Variants in EVL observed in about 807,000 individuals in gnomAD.
The protein encoded by EVL is ena/VASP-like protein.
In EVL, 21 loss-of-function variants were observed where a neutral mutation model predicts 59.6. The ratio of observed to expected loss-of-function variants is 0.35; its 90% CI spans 0.25 to 0.51. EVL has a LOEUF of 0.51. EVL is among the 20% of genes least tolerant of loss of function. EVL has a pLI of 0.97. For missense variants in EVL, 462 were observed against 546.6 expected, an observed-to-expected ratio of 0.85 and a Z score of 1.54; for synonymous variants, 198 against 203.5, an observed-to-expected ratio of 0.97 and a Z score of 0.23.
intron 1 of EVL, among the ~76,000 whole-genome samples, chr14:99,984,738 C>T (rs934751820): frequency 3.3e-5 from 5 of 152,068 alleles, no homozygotes; most frequent in African/African-American, 1.2e-4. Flanking sequence ...CTCAGCCTCC[C>T]GAGTAGCTGG....
intron 1 of EVL, among the ~76,000 whole-genome samples, chr14:100,042,741 T>C (rs2061486114): frequency 6.6e-6 from 1 of 152,244 alleles, no homozygotes; most frequent in African/African-American, 2.4e-5. Flanking sequence ...ACAACGTTTG[T>C]GGAGGCTAAA....
chr14:100,093,443 C>G lies in EVL; in HGVS notation c.181-4038C>G, dbSNP rs75830631. On this transcript the variant is annotated intron_variant, in intron 2 of 13. Transcript: ENST00000392920. ...ATGCAGAACCCTCTGACGTAAAACC[C>G]TCTGCTCATTCCTTGTACCTAGTAT... 1.8e-3 allele frequency among the ~76,000 whole-genome samples: 268 copies of G among 152,248 alleles called. 1 individual carries two copies. Among genetic ancestry groups the G allele is most frequent in the Admixed American group, 2.7e-3 (41 of 15,290 alleles).
intron 1 of EVL, among the ~76,000 whole-genome samples, chr14:100,060,275 C>CA (rs2061802305): frequency 6.6e-6 from 1 of 151,636 alleles, no homozygotes; most frequent in South Asian, 2.1e-4. Context: ...CTAAAAAATA[C>CA]AAAAAATTAG....
At chr14:100,092,287 T>C (rs1304695370) in intron 2 of EVL, among the ~76,000 whole-genome samples, 1 of 152,180 alleles carries the variant, frequency 6.6e-6, no homozygotes, top group Non-Finnish European at 1.5e-5. Flanking sequence ...TAGTTTTTCT[T>C]ATATCCTTAC....
rs774012459 is a variant in EVL, at chr14:100,135,933, G to A, written c.929G>A (p.Gly310Glu). The change falls in exon 9 of 14, where the codon GGG (glycine) becomes GAG (glutamate). Residue 310 changes from glycine (G) to glutamate (E), a missense_variant. Transcript: ENST00000392920. The stretch of plus-strand genomic sequence containing the variant: ...GATCCTAGTACCTCCCCCTCTCCGG[G>A]GACCCGAGCAGCCAGCCAGCCACCT... ...MEDPSTSPSP[G>E]TRAASQPPNS... 1 of 1,613,834 alleles carries A rather than the reference G, an allele frequency of 6.2e-7. No homozygotes were observed. Among genetic ancestry groups the A allele is most frequent in the South Asian group, 1.1e-5 (1 of 91,084 alleles).
Position 100,027,745 on chromosome 14 carries a change from G to A in EVL, c.5+55688G>A, listed in dbSNP as rs376888532. Among the ~76,000 whole-genome samples, 30 of 152,240 alleles carry A rather than the reference G, an allele frequency of 2.0e-4. 2 individuals are homozygous for A. The highest frequency in any genetic ancestry group is 1.5e-3 in the South Asian group (7 of 4,824). ...GCTGGAGTGCAGTGGCATGATCTCA[G>A]CTCACTGCAACCTCCACCTCCCAGG... On this transcript the variant is annotated intron_variant, in intron 1 of 13. Transcript: ENST00000402714.
At chr14:99,991,951 G>C (rs1380488073) in intron 1 of EVL, among the ~76,000 whole-genome samples, 2 of 115,330 alleles carry the variant, frequency 1.7e-5, no homozygotes, top group Non-Finnish European at 3.5e-5. Flanking sequence ...CATTGTTTGA[G>C]GGTCAACTCT....
At chr14:100,061,767 A>T (rs1273574811), upstream of EVL, among the ~76,000 whole-genome samples, 2 of 152,178 alleles carry the variant, frequency 1.3e-5, no homozygotes, top group Non-Finnish European at 2.9e-5. Context: ...TATACACTGT[A>T]TTCTTATAAT....
intron 1 of EVL, among the ~76,000 whole-genome samples, chr14:100,059,690 A>G (rs1286981062): frequency 6.6e-6 from 1 of 151,920 alleles, no homozygotes; most frequent in East Asian, 1.9e-4. Flanking sequence ...CAGAACTGTC[A>G]CACTTTAGGA....
chr14:99,991,766 G>T (rs1194148324), intron 1 of EVL, among the ~76,000 whole-genome samples: 2 of 152,118 alleles, frequency 1.3e-5, no homozygotes, highest in Non-Finnish European at 2.9e-5. Flanking sequence ...TAAGAATACA[G>T]TATATATAAT....
At position 100,137,603 on chromosome 14, in the gene EVL, GAGC is replaced by G. The variant is rs779758790; in HGVS notation, c.992_994del (p.Ser331del). ...AGGCTGGCCGGAAGCCCTGGGAGCG[GAGC>G]AACTCGGTGGAGAAGCCTGTGTCCT... is the stretch of plus-strand genomic sequence containing the variant. On this transcript the variant is annotated inframe_deletion, in exon 10 of 14. Coordinates refer to ENST00000392920, the MANE Select transcript of EVL (RefSeq NM_016337.3). The G allele has an allele frequency of 3.7e-6, 6 of 1,614,042 alleles. No individual in the cohort carries two copies. The Admixed American group carries it at 1.0e-4, about 27-fold the overall frequency.
intron 1 of EVL, among the ~76,000 whole-genome samples, chr14:100,072,810 G>A (rs2062076551): frequency 6.6e-6 from 1 of 152,140 alleles, no homozygotes. Flanking sequence ...AAGTTGGAGT[G>A]AAAAACAGCT....
In EVL at chr14:100,108,722, A is replaced by T. The variant is rs1886746561; in HGVS notation, c.358+11064A>T. 6.6e-6 allele frequency among the ~76,000 whole-genome samples: 1 copy of T among 152,020 alleles called. No homozygotes were observed. Among genetic ancestry groups the T allele is most frequent in the African/African-American group, 2.4e-5 (1 of 41,390 alleles). On this transcript the variant is annotated intron_variant, in intron 3 of 13. Transcript: ENST00000392920. The surrounding 1 kb of genome is among the most constrained non-coding windows in gnomAD (Gnocchi z 4.1). ...CTAAAATCTCACTCGTCCTGTCAGAATGTGGCTCCACAGATGGAGCCTTTC... is the reference window on the plus strand; with the variant it reads ...CTAAAATCTCACTCGTCCTGTCAGATTGTGGCTCCACAGATGGAGCCTTTC...
At chr14:100,085,998 G>A (rs1016390259) in intron 2 of EVL, among the ~76,000 whole-genome samples, 38 of 152,098 alleles carry the variant, frequency 2.5e-4, no homozygotes, top group African/African-American at 7.0e-4. Flanking sequence ...GCGTGGTGGC[G>A]GGCACCTGTA....
chr14:100,079,195 T>C (rs1411232820), intron 1 of EVL, among the ~76,000 whole-genome samples: 2 of 152,244 alleles, frequency 1.3e-5, no homozygotes, highest in African/African-American at 4.8e-5. Context: ...AGCTGTGGTT[T>C]CCTGACTCGC....
chr14:100,037,921 AAT>A (rs547893945), intron 1 of EVL, among the ~76,000 whole-genome samples: 13 of 152,348 alleles, frequency 8.5e-5, no homozygotes, highest in African/African-American at 2.6e-4. Context: ...CTGTATTAAC[AAT>A]ATGTCATTTC....
intron 3 of EVL, among the ~76,000 whole-genome samples, chr14:100,111,148 A>ATTTTTTTTTTTTT (rs35367426): frequency 2.3e-5 from 2 of 86,798 alleles, no homozygotes; most frequent in African/African-American, 4.7e-5. Context: ...TAGTGTCCTC[A>ATTTTTTTTTTTTT]TTTTTTTTTT....
chr14:100,137,467 C>A, intron 9 of EVL, 111 bp from the exon 10 acceptor site: 1 of 1,147,364 alleles, frequency 8.7e-7, no homozygotes, highest in Non-Finnish European at 1.3e-6. Flanking sequence ...TGCCACGGGG[C>A]TCTGCACCCT....
intron 1 of EVL, among the ~76,000 whole-genome samples, chr14:100,050,018 C>T (rs981598285): frequency 6.6e-6 from 1 of 152,178 alleles, no homozygotes; most frequent in Admixed American, 6.5e-5. Context: ...TTTCTGGCCC[C>T]TTTACAAAGC....
Sources: gnomAD v4.1 joint callset for allele counts (sites outside exome capture counted in the v4.1 genomes callset) on GRCh38, gnomAD v4.1.1 for gene constraint, Gnocchi (gnomAD v3.1) non-coding constraint, MANE v1.5 for transcripts, NCBI Gene and HGNC (gene_info 2026-07-23, HGNC 2026-07-21) for gene names.